PTPRD: variants seen among roughly 807,000 people sequenced by gnomAD.
PTPRD encodes the protein protein tyrosine phosphatase receptor type D, also known as receptor-type tyrosine-protein phosphatase delta.
In PTPRD, 34 loss-of-function variants were observed where a neutral mutation model predicts 214.5. The ratio of observed to expected loss-of-function variants is 0.16; its 90% CI spans 0.12 to 0.21. The LOEUF (loss-of-function observed/expected upper bound fraction) is 0.21. Ranked by LOEUF, PTPRD falls within the 10% of genes least tolerant of loss-of-function variation. The pLI is 1.00. For synonymous variants in PTPRD, 1,128 were observed against 845.7 expected, an observed-to-expected ratio of 1.33 and a Z score of -5.79; for missense variants, 2,545 against 2,398.7, an observed-to-expected ratio of 1.06 and a Z score of -1.27.
intron 11 of PTPRD, among the ~76,000 whole-genome samples, chr9:8,934,472 T>A (rs1474921077): frequency 0.35 from 9,566 of 27,362 alleles, 1,516 homozygotes; most frequent in Non-Finnish European, 0.42. Context: ...TAAATATATA[T>A]ATATAAATAT....
At chr9:9,756,778 A>T (rs1177885811) in intron 6 of PTPRD, among the ~76,000 whole-genome samples, 3 of 152,212 alleles carry the variant, frequency 2.0e-5, no homozygotes, top group African/African-American at 7.2e-5. Context: ...AAACCCTGTC[A>T]GATTCCAGAG....
rs532553917 is a variant in PTPRD at position 9,014,623 on chromosome 9, T to A, written c.-104+4074A>T. On this transcript the variant is annotated intron_variant, in intron 11 of 45. Transcript: ENST00000381196. ...TAATAACAATACAGCTGTCCAGCAATCAAGTTAACTTGACTGTCATCTTTA... is the reference window on the plus strand; with the variant it reads ...TAATAACAATACAGCTGTCCAGCAAACAAGTTAACTTGACTGTCATCTTTA... Among the ~76,000 whole-genome samples, 6 of 152,266 alleles carry A rather than the reference T, an allele frequency of 3.9e-5. No homozygotes were observed. The South Asian group carries it at 1.2e-3, about 32-fold the overall frequency.
chr9:10,243,181 T>C, intron 3 of PTPRD, among the ~76,000 whole-genome samples: 1 of 151,980 alleles, frequency 6.6e-6, no homozygotes, highest in East Asian at 1.9e-4. Context: ...TTCATTACTG[T>C]CTTGCTTATT....
At chr9:8,497,356 A>G in intron 25 of PTPRD, 88 bp from the exon 26 acceptor site, 1 of 1,143,528 alleles carries the variant, frequency 8.7e-7, no homozygotes, top group Non-Finnish European at 1.2e-6. Flanking sequence ...CCCTTGTTAG[A>G]TTAAAAAAAT....
intron 3 of PTPRD, among the ~76,000 whole-genome samples, chr9:10,311,380 T>A (rs1003077397): frequency 6.6e-6 from 1 of 152,032 alleles, no homozygotes; most frequent in South Asian, 2.1e-4. Flanking sequence ...AAAAATGCAA[T>A]CTCTTCTGAG....
chr9:9,864,663 C>T lies in PTPRD; in HGVS notation c.-368+73844G>A, dbSNP rs370403654. ...CATCTTATGTAGCTGGGACCACAGG[C>T]GCACACCACCAAGCCCAGCTAATTT... On this transcript the variant is annotated intron_variant, in intron 5 of 45. Coordinates refer to ENST00000381196, the MANE Select transcript of PTPRD (RefSeq NM_002839.4). Among the ~76,000 whole-genome samples the T allele has an allele frequency of 1.9e-3, 282 of 152,052 alleles. 1 individual carries two copies. Among genetic ancestry groups the T allele is most frequent in the African/African-American group, 6.6e-3 (274 of 41,484 alleles).
At chr9:10,379,085 T>C (rs1204979238) in intron 2 of PTPRD, among the ~76,000 whole-genome samples, 1 of 151,988 alleles carries the variant, frequency 6.6e-6, no homozygotes, top group Non-Finnish European at 1.5e-5. Flanking sequence ...GTATTGTAAA[T>C]GGCATTCCTT....
intron 5 of PTPRD, among the ~76,000 whole-genome samples, chr9:9,838,253 G>A (rs1214668934): frequency 1.3e-5 from 2 of 152,170 alleles, no homozygotes; most frequent in Non-Finnish European, 2.9e-5. Context: ...CTTTATAGCA[G>A]CATGATTTGT....
At chr9:8,755,511 A>C (rs1320992376) in intron 11 of PTPRD, among the ~76,000 whole-genome samples, 1 of 150,654 alleles carries the variant, frequency 6.6e-6, no homozygotes. Context: ...CCTGGGCAAC[A>C]AGAGTGAAAC....
At chr9:8,455,209 A>C (rs539657939) in intron 33 of PTPRD, among the ~76,000 whole-genome samples, 2 of 152,320 alleles carry the variant, frequency 1.3e-5, no homozygotes, top group South Asian at 2.1e-4. Flanking sequence ...GTGCATCTTC[A>C]GTTTAGGAAA....
chr9:9,014,667 T>C (rs7468062), intron 11 of PTPRD, among the ~76,000 whole-genome samples: 47,603 of 152,034 alleles, frequency 0.31, 8,129 homozygotes, highest in Non-Finnish European at 0.39. Flanking sequence ...TATATTTACA[T>C]GGGAGACAAT....
rs370173944 is a variant in PTPRD at position 9,611,432 on chromosome 9, T to G, written c.-286-36651A>C. On this transcript the variant is annotated intron_variant, in intron 7 of 45. Transcript: ENST00000381196. ...ATATAATTGTTTTGATTCGTAATTA[T>G]TTAATTACTGATAGTGCTGAATATT... 6.2e-4 allele frequency among the ~76,000 whole-genome samples: 95 copies of G among 152,314 alleles called. No homozygotes were observed. The East Asian group carries it at 0.017, about 27-fold the overall frequency.
intron 10 of PTPRD, among the ~76,000 whole-genome samples, chr9:9,129,973 G>C (rs1004108006): frequency 6.6e-6 from 1 of 152,062 alleles, no homozygotes; most frequent in Admixed American, 6.6e-5. Context: ...CAATATCTGA[G>C]GGTATGAGTT....
At chr9:8,434,917 G>A (rs1341793561) in intron 35 of PTPRD, among the ~76,000 whole-genome samples, 1 of 152,180 alleles carries the variant, frequency 6.6e-6, no homozygotes, top group Non-Finnish European at 1.5e-5. Context: ...GGAAGAGCAG[G>A]AAAGAAATAA....
intron 9 of PTPRD, among the ~76,000 whole-genome samples, chr9:9,270,776 G>A (rs929535156): frequency 5.9e-5 from 9 of 151,330 alleles, no homozygotes; most frequent in African/African-American, 1.9e-4. Flanking sequence ...TTTAGATGAT[G>A]GTGTTTGGTC....
chr9:8,521,956 T>A (rs941930799), intron 19 of PTPRD, among the ~76,000 whole-genome samples: 3 of 152,134 alleles, frequency 2.0e-5, no homozygotes, highest in African/African-American at 7.2e-5. Context: ...TTAAGTTGAG[T>A]ATCAAAACCA....
intron 9 of PTPRD, among the ~76,000 whole-genome samples, chr9:9,320,381 T>C (rs1057106492): frequency 1.3e-5 from 2 of 152,156 alleles, no homozygotes; most frequent in Non-Finnish European, 2.9e-5. Flanking sequence ...GCATGAAACT[T>C]ATACACAAAA....
chr9:10,389,337 T>C (rs1465209120), intron 2 of PTPRD, among the ~76,000 whole-genome samples: 2 of 151,874 alleles, frequency 1.3e-5, no homozygotes, highest in Non-Finnish European at 2.9e-5. Flanking sequence ...TCTGACATTT[T>C]GGAAATTAGA....
At chr9:8,557,263 C>T (rs977272788) in intron 14 of PTPRD, among the ~76,000 whole-genome samples, 6 of 151,822 alleles carry the variant, frequency 4.0e-5, no homozygotes, top group Non-Finnish European at 8.8e-5. Flanking sequence ...CTAATGAGAG[C>T]GAACTTCCTG....
Sources: gnomAD v4.1 joint callset for allele counts (sites outside exome capture counted in the v4.1 genomes callset) on GRCh38, gnomAD v4.1.1 for gene constraint, MANE v1.5 for transcripts, NCBI Gene and HGNC (gene_info 2026-07-23, HGNC 2026-07-21) for gene names.